GALNTL6: variants seen among roughly 807,000 people sequenced by gnomAD.
The protein encoded by GALNTL6 is polypeptide N-acetylgalactosaminyltransferase-like 6.
GALNTL6 carries 46 observed loss-of-function variants against 73.7 expected under a neutral mutation model. That is an observed-to-expected ratio of 0.62 (90% confidence interval 0.49 to 0.80). The LOEUF (loss-of-function observed/expected upper bound fraction) is 0.80, where lower values mean the gene tolerates loss of function less well. GALNTL6 is among the 30% of genes least tolerant of loss of function. The pLI is 0.00. For missense variants in GALNTL6, 604 were observed against 755.0 expected (o/e 0.80, Z 2.34); for synonymous variants, 259 against 263.7 (o/e 0.98, Z 0.17).
At position 172,480,463 on chromosome 4, in the gene GALNTL6, A is replaced by G. The variant is rs146982339; in HGVS notation, c.553+131774A>G. Among the ~76,000 whole-genome samples, 501 of 152,332 alleles carry G rather than the reference A, an allele frequency of 3.3e-3. 3 individuals are homozygous for G. Among genetic ancestry groups the G allele is most frequent in the African/African-American group, 0.011 (471 of 41,576 alleles). Reference sequence around the variant, plus strand: ...ATTAGACCTATGCTCAAATCCTTTAATAGTTGAAATCAATTGAGCTATTAT... The same window carrying G: ...ATTAGACCTATGCTCAAATCCTTTAGTAGTTGAAATCAATTGAGCTATTAT... On this transcript the variant is annotated intron_variant, in intron 5 of 12. Coordinates refer to ENST00000506823, the MANE Select transcript of GALNTL6 (RefSeq NM_001034845.3).
chr4:172,231,559 C>T (rs1737071454), intron 3 of GALNTL6, among the ~76,000 whole-genome samples: 1 of 152,072 alleles, frequency 6.6e-6, no homozygotes, highest in Non-Finnish European at 1.5e-5. Flanking sequence ...GGAGTAATAG[C>T]AAGGACACAA....
intron 5 of GALNTL6, among the ~76,000 whole-genome samples, chr4:172,502,400 T>G (rs973911298): frequency 6.6e-6 from 1 of 152,218 alleles, no homozygotes; most frequent in African/African-American, 2.4e-5. Flanking sequence ...TTAGTCAACT[T>G]CAAGTTATAA....
chr4:172,754,967 T>A (rs1737660022), intron 5 of GALNTL6, among the ~76,000 whole-genome samples: 1 of 152,146 alleles, frequency 6.6e-6, no homozygotes, highest in Non-Finnish European at 1.5e-5. Flanking sequence ...TCTTGTGTCA[T>A]CGCAGGACAT....
chr4:172,277,553 G>C (rs1579325334), intron 3 of GALNTL6, among the ~76,000 whole-genome samples: 1 of 152,182 alleles, frequency 6.6e-6, no homozygotes, highest in Non-Finnish European at 1.5e-5. Context: ...TTCAACCTTG[G>C]AGGGGAAATG....
chr4:173,022,048 A>G (rs907019439), intron 12 of GALNTL6, among the ~76,000 whole-genome samples: 1 of 114,654 alleles, frequency 8.7e-6, no homozygotes, highest in Non-Finnish European at 1.9e-5. Flanking sequence ...GGAAGGAAGG[A>G]AGGAAGGAAG....
chr4:172,971,170 A>G (rs1189897844), intron 10 of GALNTL6, among the ~76,000 whole-genome samples: 2 of 152,192 alleles, frequency 1.3e-5, no homozygotes, highest in Non-Finnish European at 2.9e-5. Context: ...CCATAGGATG[A>G]TGCAGCAAGA....
intron 5 of GALNTL6, among the ~76,000 whole-genome samples, chr4:172,378,778 A>C (rs1743148982): frequency 6.6e-6 from 1 of 152,052 alleles, no homozygotes; most frequent in South Asian, 2.1e-4. Flanking sequence ...ATAAGCCAAA[A>C]TTTTTGAGAA....
At chr4:172,690,300 T>A (rs1733190425) in intron 5 of GALNTL6, among the ~76,000 whole-genome samples, 1 of 152,166 alleles carries the variant, frequency 6.6e-6, no homozygotes, top group Non-Finnish European at 1.5e-5. Context: ...ATTCTATACC[T>A]TCCAGAAAAA....
intron 3 of GALNTL6, among the ~76,000 whole-genome samples, chr4:172,246,037 T>C (rs898523643): frequency 2.0e-5 from 3 of 152,104 alleles, no homozygotes; most frequent in African/African-American, 7.2e-5. Flanking sequence ...TAAAGGAAAA[T>C]TTATCTGCCA....
At chr4:172,840,948 C>T (rs988287630) in intron 7 of GALNTL6, among the ~76,000 whole-genome samples, 4 of 152,166 alleles carry the variant, frequency 2.6e-5, no homozygotes, top group African/African-American at 9.7e-5. Context: ...TTATGCCCAA[C>T]ACAGTGCTCC....
intron 2 of GALNTL6, among the ~76,000 whole-genome samples, chr4:172,150,709 G>T (rs929918987): frequency 3.9e-5 from 6 of 152,088 alleles, no homozygotes; most frequent in Admixed American, 3.9e-4. Flanking sequence ...TTGGTCCCTG[G>T]GCAGTAGGGA....
rs1735247161 is a variant in GALNTL6 at position 172,533,658 on chromosome 4, A to G, written c.553+184969A>G. Reference sequence around the variant, plus strand: ...GTTTTAGATGTCTTTATTTTAAAGAATAAATTAAGGCTCAGAGTTTAAGCA... The same window carrying G: ...GTTTTAGATGTCTTTATTTTAAAGAGTAAATTAAGGCTCAGAGTTTAAGCA... On this transcript the variant is annotated intron_variant, in intron 5 of 12. Coordinates refer to ENST00000506823, the MANE Select transcript of GALNTL6 (RefSeq NM_001034845.3). Among the ~76,000 whole-genome samples, 3 of 152,234 alleles carry G rather than the reference A, an allele frequency of 2.0e-5. No homozygotes were observed. In the South Asian group the frequency reaches 6.2e-4, roughly 32 times the overall value.
intron 2 of GALNTL6, among the ~76,000 whole-genome samples, chr4:172,007,946 C>T (rs1740887300): frequency 6.6e-6 from 1 of 151,894 alleles, no homozygotes; most frequent in Non-Finnish European, 1.5e-5. Flanking sequence ...TGGACTGCTG[C>T]CATTTCCTTA....
At chr4:172,296,758 A>G (rs962319484) in intron 3 of GALNTL6, among the ~76,000 whole-genome samples, 22 of 152,140 alleles carry the variant, frequency 1.4e-4, no homozygotes, top group African/African-American at 4.3e-4. Context: ...AATCCAGTCT[A>G]TCATTGTTGG....
At chr4:172,898,256 CTACT>C (rs1382701805) in intron 8 of GALNTL6, among the ~76,000 whole-genome samples, 1 of 150,516 alleles carries the variant, frequency 6.6e-6, no homozygotes, top group Admixed American at 6.7e-5. Flanking sequence ...GCCCAGTTCT[CTACT>C]TACTTTGATC....
chr4:172,892,467 T>C (rs868359394), intron 8 of GALNTL6, among the ~76,000 whole-genome samples: 1 of 152,116 alleles, frequency 6.6e-6, no homozygotes, highest in African/African-American at 2.4e-5. Context: ...TGTTGGGTGT[T>C]GAAGAAATTT....
At chr4:171,862,891 T>A (rs1326267789) in intron 2 of GALNTL6, among the ~76,000 whole-genome samples, 1 of 152,158 alleles carries the variant, frequency 6.6e-6, no homozygotes, top group Non-Finnish European at 1.5e-5. Context: ...AGATTTTGAA[T>A]TAGAATGTAT....
intron 3 of GALNTL6, among the ~76,000 whole-genome samples, chr4:172,248,556 T>C (rs1355591464): frequency 6.6e-6 from 1 of 152,084 alleles, no homozygotes; most frequent in African/African-American, 2.4e-5. Flanking sequence ...GCAGAACAGA[T>C]TGCTATTAGT....
chr4:172,360,566 C>A (rs181724977), intron 5 of GALNTL6, among the ~76,000 whole-genome samples: 1 of 152,194 alleles, frequency 6.6e-6, no homozygotes. Context: ...TGTATGAAGG[C>A]AATTTAGTAG....
Sources: allele counts gnomAD v4.1 joint callset (sites outside exome capture counted in the v4.1 genomes callset), GRCh38; gene constraint gnomAD v4.1.1; transcripts MANE v1.5; gene names NCBI Gene and HGNC (gene_info 2026-07-23, HGNC 2026-07-21).